Variants in CPNE8 observed in about 807,000 individuals in gnomAD.
The protein encoded by CPNE8 is copine-8.
In CPNE8, 45 loss-of-function variants were observed where a neutral mutation model predicts 81.5. That is an observed-to-expected ratio of 0.55 (90% CI 0.44 to 0.71). The LOEUF (loss-of-function observed/expected upper bound fraction) is 0.71, where lower values mean the gene tolerates loss of function less well. Among genes scored for constraint, CPNE8 ranks in the 30% least tolerant of loss-of-function variants. The probability of loss-of-function intolerance (pLI) is 0.00; values close to 1 mark genes in which losing one functional copy is unlikely to be tolerated. For synonymous variants in CPNE8, 252 were observed against 226.3 expected (o/e 1.11, Z -1.02); for missense variants, 594 against 672.1 (o/e 0.88, Z 1.28).
At chr12:38,793,169 CAAGTATGCCCACTCT>C (rs1000984232) in intron 6 of CPNE8, among the ~76,000 whole-genome samples, 1 of 142,356 alleles carries the variant, frequency 7.0e-6, no homozygotes, top group Non-Finnish European at 1.5e-5. Flanking sequence ...AAGAGGAAGG[CAAGTATGCCCACTCT>C]CCCACTTCTA....
intron 19 of CPNE8, among the ~76,000 whole-genome samples, chr12:38,667,907 CT>C (rs1939094510): frequency 6.6e-6 from 1 of 152,092 alleles, no homozygotes; most frequent in Non-Finnish European, 1.5e-5. Context: ...AAGCAATTCT[CT>C]TGCCTCCGCC....
intron 1 of CPNE8, among the ~76,000 whole-genome samples, chr12:38,889,983 G>A (rs959523215): frequency 3.3e-5 from 5 of 152,186 alleles, no homozygotes; most frequent in African/African-American, 7.2e-5. Context: ...AATTTTGATG[G>A]TGCCTCTTGT....
At chr12:38,871,104 T>G (rs1275575063) in intron 3 of CPNE8, among the ~76,000 whole-genome samples, 1 of 152,180 alleles carries the variant, frequency 6.6e-6, no homozygotes, top group East Asian at 1.9e-4. Context: ...GCATGAGAAA[T>G]TTTTTAAGGA....
At chr12:38,750,550 C>T (rs994093720) in intron 10 of CPNE8, among the ~76,000 whole-genome samples, 17 of 152,164 alleles carry the variant, frequency 1.1e-4, no homozygotes, top group Non-Finnish European at 2.1e-4. Flanking sequence ...CTGTGAGACA[C>T]GGAGTCAAAC....
chr12:38,686,013 T>C (rs1939527099), intron 15 of CPNE8, among the ~76,000 whole-genome samples: 2 of 152,182 alleles, frequency 1.3e-5, no homozygotes, highest in Admixed American at 1.3e-4. Flanking sequence ...TGGCTACCTC[T>C]GGGTGGTTAG....
chr12:38,878,649 T>A (rs1396405413), intron 1 of CPNE8, among the ~76,000 whole-genome samples: 1 of 152,202 alleles, frequency 6.6e-6, no homozygotes, highest in African/African-American at 2.4e-5. Flanking sequence ...ACTGTTGTAG[T>A]TTTTATTGTC....
intron 16 of CPNE8, among the ~76,000 whole-genome samples, chr12:38,683,240 T>C (rs1327371441): frequency 6.6e-6 from 1 of 152,128 alleles, no homozygotes; most frequent in Non-Finnish European, 1.5e-5. Flanking sequence ...CAATAAATAC[T>C]GAGCTTTTAC....
rs531013365 is a variant in CPNE8 at position 38,899,127 on chromosome 12, C to T, written c.98+6310G>A. ...AGAGATAGTGCTGAACTTGACACTA[C>T]CACTTCTAATAGTGACAGTCTAACA... is the stretch of plus-strand genomic sequence containing the variant. On this transcript the variant is annotated intron_variant, in intron 1 of 19. Transcript: ENST00000331366. Among the ~76,000 whole-genome samples the T allele has an allele frequency of 5.9e-5, 9 of 152,248 alleles. No individual in the cohort carries two copies. The South Asian group carries it at 1.2e-3, about 21-fold the overall frequency.
At chr12:38,739,103 C>A (rs528521438) in intron 10 of CPNE8, among the ~76,000 whole-genome samples, 1 of 152,074 alleles carries the variant, frequency 6.6e-6, no homozygotes, top group Non-Finnish European at 1.5e-5. Flanking sequence ...TGAGCTGCCA[C>A]GCCCAGCCTA....
At chr12:38,702,111 A>C (rs536423258) in intron 14 of CPNE8, among the ~76,000 whole-genome samples, 1 of 152,322 alleles carries the variant, frequency 6.6e-6, no homozygotes, top group Admixed American at 6.5e-5. Context: ...AAAAGAATAT[A>C]AAGTGGGATC....
At chr12:38,872,292 T>C (rs901548872) in intron 3 of CPNE8, among the ~76,000 whole-genome samples, 2 of 152,174 alleles carry the variant, frequency 1.3e-5, no homozygotes, top group African/African-American at 4.8e-5. Context: ...TACTCAAAAT[T>C]GAGACACAGT....
chr12:38,893,619 GCTTTCACTTTA>G (rs1349386186), intron 1 of CPNE8, among the ~76,000 whole-genome samples: 2 of 152,080 alleles, frequency 1.3e-5, no homozygotes, highest in African/African-American at 4.8e-5. Flanking sequence ...TAATAAACTT[GCTTTCACTTTA>G]CTGTATAGAC....
intron 3 of CPNE8, among the ~76,000 whole-genome samples, chr12:38,852,180 C>A (rs991353323): frequency 6.6e-6 from 1 of 152,130 alleles, no homozygotes; most frequent in African/African-American, 2.4e-5. Flanking sequence ...GTAATTCCAG[C>A]ACTTTGGGAG....
chr12:38,685,063 T>C (rs115753498), intron 16 of CPNE8, among the ~76,000 whole-genome samples: 1 of 152,326 alleles, frequency 6.6e-6, no homozygotes, highest in African/African-American at 2.4e-5. Flanking sequence ...TAATGTGCCC[T>C]ATATGTCGTT....
chr12:38,703,978 C>T (rs1291379399), intron 13 of CPNE8, among the ~76,000 whole-genome samples: 3 of 152,108 alleles, frequency 2.0e-5, no homozygotes, highest in African/African-American at 4.8e-5. Context: ...GAGGCCGATA[C>T]CCTAGGCAAA....
chr12:38,773,234 C>T (rs1233882865), intron 7 of CPNE8, among the ~76,000 whole-genome samples: 1 of 152,048 alleles, frequency 6.6e-6, no homozygotes, highest in African/African-American at 2.4e-5. Context: ...TAGAGATCTA[C>T]TATATACAGT....
chr12:38,786,704 C>G (rs988532271), intron 6 of CPNE8, among the ~76,000 whole-genome samples: 11 of 151,924 alleles, frequency 7.2e-5, no homozygotes, highest in African/African-American at 2.7e-4. Context: ...TTATATCAGA[C>G]AAAATAGGTT....
intron 6 of CPNE8, among the ~76,000 whole-genome samples, chr12:38,811,541 T>A (rs1045054432): frequency 6.6e-6 from 1 of 152,152 alleles, no homozygotes; most frequent in African/African-American, 2.4e-5. Flanking sequence ...AAACTTAGGT[T>A]CCATAATATA....
chr12:38,863,797 G>A (rs1592143710), intron 3 of CPNE8, among the ~76,000 whole-genome samples: 1 of 152,032 alleles, frequency 6.6e-6, no homozygotes, highest in South Asian at 2.1e-4. Flanking sequence ...TCACGCCTGT[G>A]GTCCCAGCAC....
Sources: allele counts gnomAD v4.1 joint callset (sites outside exome capture counted in the v4.1 genomes callset), GRCh38; gene constraint gnomAD v4.1.1; transcripts MANE v1.5; gene names NCBI Gene and HGNC (gene_info 2026-07-23, HGNC 2026-07-21).